The following RNF126 variants were observed in gnomAD, a reference collection of about 807,000 sequenced individuals.
RNF126 encodes ring finger protein 126.
RNF126 carries 20 observed loss-of-function variants against 41.9 expected under a neutral mutation model. The ratio of observed to expected loss-of-function variants is 0.48; its 90% confidence interval spans 0.34 to 0.69. The LOEUF is 0.69. Among genes scored for constraint, RNF126 ranks in the 30% least tolerant of loss-of-function variants. RNF126 has a pLI of 0.01. For synonymous variants in RNF126, 239 were observed against 202.9 expected (o/e 1.18, Z -1.51); for missense variants, 433 against 460.6 (o/e 0.94, Z 0.55).
At chr19:658,033 A>C (rs1164115208) in intron 1 of RNF126, among the ~76,000 whole-genome samples, 2 of 151,976 alleles carry the variant, frequency 1.3e-5, no homozygotes, top group East Asian at 1.9e-4. Flanking sequence ...GGGGGCCCCC[A>C]CAGAGGCCCC....
chr19:647,928 A>C lies in RNF126; in HGVS notation c.*200T>G, dbSNP rs994767987. The stretch of plus-strand genomic sequence containing the variant: ...AGGACGGGGAGGCTGGGGACGCCCC[A>C]GAGGGGACCATGTGGCCCACGCCTT... On this transcript the variant is annotated 3_prime_UTR_variant, in exon 9 of 9. Transcript: ENST00000292363. The C allele has an allele frequency of 7.7e-6, 5 of 648,536 alleles. No individual in the cohort carries two copies. Among genetic ancestry groups the C allele is most frequent in the Non-Finnish European group, 1.3e-5 (5 of 376,170 alleles). 40.2% of individuals were successfully genotyped at this position (648,536 alleles called of 1,614,324 possible). A position where few individuals can be genotyped will look rare whatever the true frequency, so the allele number is the denominator to read the frequency against.
chr19:649,073 C>T (rs1368120632), intron 6 of RNF126, 98 bp from the exon 7 acceptor site: 5 of 571,744 alleles, frequency 8.7e-6, no homozygotes, highest in African/African-American at 1.9e-5. Flanking sequence ...ACCGAGGCCG[C>T]GTTTGTCCTG....
intron 1 of RNF126, 91 bp downstream of exon 1, chr19:662,956 G>C (rs1312863118): frequency 3.9e-6 from 2 of 509,842 alleles, no homozygotes; most frequent in Non-Finnish European, 6.0e-6. Context: ...TCGCGCAAGA[G>C]GCGGGCGCAA....
intron 1 of RNF126, among the ~76,000 whole-genome samples, chr19:653,309 G>A (rs910306922): frequency 2.0e-5 from 3 of 152,214 alleles, no homozygotes; most frequent in Admixed American, 1.3e-4. Flanking sequence ...CCGTTCCCCT[G>A]GCTCGGGGGA....
In RNF126 at chr19:648,868, C is replaced by G. The variant is rs1436952952; in HGVS notation, c.670+14G>C. On this transcript the variant is annotated intron_variant, in intron 7 of 8. Coordinates refer to ENST00000292363, the MANE Select transcript of RNF126 (RefSeq NM_194460.3). ...CCTGTAATTCCCACTACTCGGGAGG[C>G]TGAGCTCTCATACCTACGTGCTCCT... is the stretch of plus-strand genomic sequence containing the variant. The G allele has an allele frequency of 7.0e-7, 1 of 1,427,860 alleles. No individual in the cohort carries two copies. The highest frequency in any genetic ancestry group is 2.4e-5 in the East Asian group (1 of 40,888). 88.4% of individuals were successfully genotyped at this position (1,427,860 alleles called of 1,614,324 possible). A position where few individuals can be genotyped will look rare whatever the true frequency, so the allele number is the denominator to read the frequency against.
Position 648,486 on chromosome 19 carries a change from G to C in RNF126, c.672C>G (p.Gly224=). 1 of 1,567,108 alleles carries C rather than the reference G, an allele frequency of 6.4e-7. No homozygotes were observed. Among genetic ancestry groups the C allele is most frequent in the Non-Finnish European group, 8.6e-7 (1 of 1,160,482 alleles). Residue 224 remains glycine, a splice_region_variant and synonymous_variant, in exon 8 of 9, where the codon GGC becomes GGG. Transcript: ENST00000292363. Reference sequence around the variant, plus strand: ...TGCACACAGGGCACTCGAGCCCGGAGCCTGCGGGAGTGTGCAGCTGCGGTC... The same window carrying C: ...TGCACACAGGGCACTCGAGCCCGGACCCTGCGGGAGTGTGCAGCTGCGGTC... ...PTVPVTEEHV[G]SGLECPVCKD... is the part of the protein sequence containing the mutation.
chr19:651,833 G>A lies in RNF126; in HGVS notation c.221C>T (p.Thr74Met), dbSNP rs772335838. 3.1e-6 allele frequency: 5 copies of A among 1,611,170 alleles called. No homozygotes were observed. The highest frequency in any genetic ancestry group is 2.2e-5 in the East Asian group (1 of 44,844). The change falls in exon 4 of 9, where the codon ACG (threonine) becomes ATG (methionine). Residue 74 changes from threonine (T) to methionine (M), a missense_variant. Coordinates refer to ENST00000292363, the MANE Select transcript of RNF126 (RefSeq NM_194460.3). ...PLEHVDQHLF[T>M]LPQGYGQFAF... is the part of the protein sequence containing the mutation. Reference sequence around the variant, plus strand: ...AAACTGTCCGTAGCCCTGCGGCAGCGTGAACAGGTGCTGGTCCACGTGCTG... The same window carrying A: ...AAACTGTCCGTAGCCCTGCGGCAGCATGAACAGGTGCTGGTCCACGTGCTG...
In RNF126 at chr19:663,100, G is replaced by C. The variant is rs1029141589; in HGVS notation, c.22C>G (p.Pro8Ala). 1.1e-5 allele frequency: 15 copies of C among 1,343,750 alleles called. No homozygotes were observed. In the African/African-American group the frequency reaches 2.3e-4, roughly 20 times the overall value. The allele number at this position is 1,343,750 out of a possible 1,614,324, so 83.2% of individuals were successfully genotyped here. Residue 8 changes from proline (P) to alanine (A), a missense_variant, in exon 1 of 9, where the codon CCC becomes GCC. By Grantham distance (27) the Pro-to-Ala change is conservative. Transcript: ENST00000292363. ...CAGCAGTGGCAGAAGTACCGTCCGG[G>C]ATGCGGCGACGCCTCGGCCATGGCC... The part of the protein sequence containing the change: MAEASPH[P>A]GRYFCHCCSV...
Position 648,971 on chromosome 19 carries a change from A to G in RNF126, c.581T>C (p.Leu194Pro). The change falls in exon 7 of 9, where the codon CTC (leucine) becomes CCC (proline). Residue 194 changes from leucine to proline, a missense_variant. Leu to Pro is a moderately conservative substitution (Grantham distance 98, BLOSUM62 -3). Around this residue, in one of 5 missense-constraint regions of RNF126, gnomAD observed 97 missense variants for 121.7 expected, o/e 0.80. Coordinates refer to ENST00000292363, the MANE Select transcript of RNF126 (RefSeq NM_194460.3). Reference protein sequence around the residue: ...NGLDAIITQLLNQFENTGPPP... With the variant: ...NGLDAIITQLPNQFENTGPPP... ...GGGGCCTGTGTTTTCAAACTGATTG[A>G]GGAGCTGAAAGACAAGAGGCGAGAG... 7.2e-7 allele frequency: 1 copy of G among 1,394,052 alleles called. No individual in the cohort carries two copies. The highest frequency in any genetic ancestry group is 9.3e-7 in the Non-Finnish European group (1 of 1,070,544). 86.4% of individuals were successfully genotyped at this position (1,394,052 alleles called of 1,614,324 possible).
chr19:662,343 G>C (rs796751238), intron 1 of RNF126, among the ~76,000 whole-genome samples: 6 of 152,348 alleles, frequency 3.9e-5, no homozygotes, highest in African/African-American at 1.4e-4. Context: ...CCCAGGCCCA[G>C]GGTCCTCTTC....
At chr19:657,028 C>A (rs1307723286) in intron 1 of RNF126, among the ~76,000 whole-genome samples, 1 of 152,164 alleles carries the variant, frequency 6.6e-6, no homozygotes, top group African/African-American at 2.4e-5. Context: ...CAGGCTAGCA[C>A]CACCCAGTGG....
chr19:654,441 G>C (rs2144766757), intron 1 of RNF126, among the ~76,000 whole-genome samples: 1 of 151,876 alleles, frequency 6.6e-6, no homozygotes, highest in East Asian at 1.9e-4. Flanking sequence ...TCAGGAGTTG[G>C]AGACCAGCCT....
At position 648,973 on chromosome 19, in the gene RNF126, G is replaced by A. The variant is rs1323831758; in HGVS notation, c.579C>T (p.Leu193=). The change falls in exon 7 of 9, where the codon CTC becomes CTT. Residue 193 remains leucine, a splice_region_variant and synonymous_variant. Transcript: ENST00000292363. ...ANGLDAIITQ[L]LNQFENTGPP... ...GGCCTGTGTTTTCAAACTGATTGAG[G>A]AGCTGAAAGACAAGAGGCGAGAGTG... The A allele has an allele frequency of 2.9e-6, 4 of 1,395,062 alleles. No homozygotes were observed. In the African/African-American group the frequency reaches 4.4e-5, roughly 15 times the overall value. 86.4% of individuals were successfully genotyped at this position (1,395,062 alleles called of 1,614,324 possible). A position where few individuals can be genotyped will look rare whatever the true frequency, so the allele number is the denominator to read the frequency against.
chr19:651,669 C>A lies in RNF126; in HGVS notation c.385G>T (p.Ala129Ser). The change falls in exon 4 of 9, where the codon GCC (alanine) becomes TCC (serine). Residue 129 changes from alanine (A) to serine (S), a missense_variant. Transcript: ENST00000292363. ...GTGGCCCGCCGCGTGGTGAGGCGGG[C>A]GCGGGGCTGTCGGGCGCCGTACCGG... is the stretch of plus-strand genomic sequence containing the variant. ...RHRYGARQPR[A>S]RLTTRRATGR... is the part of the protein sequence containing the mutation. 4 of 1,560,172 alleles carry A rather than the reference C, an allele frequency of 2.6e-6. No homozygotes were observed. The highest frequency in any genetic ancestry group is 1.2e-5 in the South Asian group (1 of 86,558).
chr19:652,445 A>AC, intron 2 of RNF126, 149 bp from the exon 3 acceptor site: 1 of 708,460 alleles, frequency 1.4e-6, no homozygotes, highest in Non-Finnish European at 2.3e-6. Flanking sequence ...TGGTGCCGTA[A>AC]CCCGCTGCTG....
At position 648,234 on chromosome 19, in the gene RNF126, T is replaced by A; in HGVS notation, c.830A>T (p.Asn277Ile). The A allele has an allele frequency of 6.3e-7, 1 of 1,593,996 alleles. No homozygotes were observed. Among genetic ancestry groups the A allele is most frequent in the Non-Finnish European group, 8.5e-7 (1 of 1,170,532 alleles). ...GAGGCCAGGGGGGTTCGTGGCCGTGTTCTGTCCCGTGAGGCTTTTTCGGCA... is the reference window on the plus strand; with the variant it reads ...GAGGCCAGGGGGGTTCGTGGCCGTGATCTGTCCCGTGAGGCTTTTTCGGCA... ...PVCRKSLTGQ[N>I]TATNPPGLTG... The change falls in exon 9 of 9, where the codon AAC becomes ATC. Residue 277 changes from asparagine to isoleucine, a missense_variant. Asn to Ile is a moderately radical substitution (Grantham distance 149, BLOSUM62 -3). Around this residue, in one of 5 missense-constraint regions of RNF126, gnomAD observed 63 missense variants for 47.9 expected, o/e 1.32. Coordinates refer to ENST00000292363, the MANE Select transcript of RNF126 (RefSeq NM_194460.3).
intron 7 of RNF126, 64 bp from the exon 8 acceptor site, chr19:648,551 G>A (rs1317133939): frequency 4.5e-6 from 6 of 1,327,018 alleles, no homozygotes; most frequent in African/African-American, 4.3e-5. Flanking sequence ...TCAAGGGCAG[G>A]CTACTCCACA....
Position 659,042 on chromosome 19 carries a change from C to T in RNF126, c.75+4005G>A, listed in dbSNP as rs1395646481. Among the ~76,000 whole-genome samples, 2 of 152,228 alleles carry T rather than the reference C, an allele frequency of 1.3e-5. No homozygotes were observed. The highest frequency in any genetic ancestry group is 2.9e-5 in the Non-Finnish European group (2 of 68,032). On this transcript the variant is annotated intron_variant, in intron 1 of 8. Coordinates refer to ENST00000292363, the MANE Select transcript of RNF126 (RefSeq NM_194460.3). This position sits in a 1 kb window ranked among gnomAD's most constrained non-coding sequence, Gnocchi z 4.9. ...TGGTGCCCGATCACAACGCCAGGCT[C>T]CATGTTCACAGGGTGCTGCAGGGAG... is the stretch of plus-strand genomic sequence containing the variant.
In RNF126 at chr19:647,756, C is replaced by T; in HGVS notation, c.*372G>A. ...AGCCGCTGAACCCCGTGCTTCAGCG[C>T]TGGGGGAGCCGCTGGGCCCCGTCTT... On this transcript the variant is annotated 3_prime_UTR_variant, in exon 9 of 9. Coordinates refer to ENST00000292363, the MANE Select transcript of RNF126 (RefSeq NM_194460.3). 2.9e-6 allele frequency: 1 copy of T among 343,608 alleles called. No homozygotes were observed. 21.3% of individuals were successfully genotyped at this position (343,608 alleles called of 1,614,324 possible). A position where few individuals can be genotyped will look rare whatever the true frequency, so the allele number is the denominator to read the frequency against.
Sources: allele counts gnomAD v4.1 joint callset (sites outside exome capture counted in the v4.1 genomes callset), GRCh38; gene constraint gnomAD v4.1.1; regional missense constraint gnomAD v4.1.1; non-coding constraint Gnocchi (gnomAD v3.1); transcripts MANE v1.5; gene names NCBI Gene and HGNC (gene_info 2026-07-23, HGNC 2026-07-21).